The following CDH2 variants were observed in gnomAD, a reference collection of about 807,000 sequenced individuals.
CDH2 encodes cadherin 2.
CDH2 carries 17 observed loss-of-function variants against 92.0 expected under a neutral mutation model. The ratio of observed to expected loss-of-function variants is 0.18; its 90% CI spans 0.13 to 0.28. The LOEUF (loss-of-function observed/expected upper bound fraction) is 0.28, where lower values mean the gene tolerates loss of function less well. Among genes scored for constraint, CDH2 ranks in the 10% least tolerant of loss-of-function variants. CDH2 has a pLI of 1.00. For missense variants in CDH2, 862 were observed against 1,133.1 expected, an observed-to-expected ratio of 0.76 and a Z score of 3.44; for synonymous variants, 419 against 415.9, an observed-to-expected ratio of 1.01 and a Z score of -0.09.
chr18:28,080,433 C>T (rs1438415826), intron 2 of CDH2, among the ~76,000 whole-genome samples: 1 of 152,166 alleles, frequency 6.6e-6, no homozygotes, highest in East Asian at 1.9e-4. Flanking sequence ...CATAAAGCTG[C>T]CTCGCCTTCT....
chr18:28,131,923 T>G (rs1246750139), intron 2 of CDH2, among the ~76,000 whole-genome samples: 5 of 152,208 alleles, frequency 3.3e-5, no homozygotes, highest in Non-Finnish European at 7.3e-5. Flanking sequence ...CACACTCATT[T>G]AATCTATCAA....
chr18:28,079,835 G>A (rs1223915793), intron 2 of CDH2, among the ~76,000 whole-genome samples: 1 of 152,106 alleles, frequency 6.6e-6, no homozygotes. Flanking sequence ...CTCAGAAAAC[G>A]TGTCATGTGA....
At chr18:27,935,605 A>C (rs1302353828) in intron 6 of CDH2, among the ~76,000 whole-genome samples, 1 of 152,000 alleles carries the variant, frequency 6.6e-6, no homozygotes, top group African/African-American at 2.4e-5. Flanking sequence ...GCTCCAGTAG[A>C]ATTGGGTCCA....
At chr18:28,097,843 TAA>T (rs1282684828) in intron 2 of CDH2, among the ~76,000 whole-genome samples, 1 of 152,180 alleles carries the variant, frequency 6.6e-6, no homozygotes. Flanking sequence ...GAGCTAAAAA[TAA>T]GTTTTATAAT....
chr18:28,098,721 A>T (rs1440279017), intron 2 of CDH2, among the ~76,000 whole-genome samples: 1 of 152,166 alleles, frequency 6.6e-6, no homozygotes, highest in East Asian at 1.9e-4. Flanking sequence ...GATATTAAGT[A>T]GGCTGCAAAC....
At chr18:28,170,021 G>T (rs544245417) in intron 1 of CDH2, among the ~76,000 whole-genome samples, 4 of 152,276 alleles carry the variant, frequency 2.6e-5, no homozygotes, top group African/African-American at 9.6e-5. Flanking sequence ...TATTACCATG[G>T]TTTACCCAAC....
Position 27,993,480 on chromosome 18 carries a change from G to C in CDH2, c.1158+20C>G, listed in dbSNP as rs200415723. 36 of 1,606,402 alleles carry C rather than the reference G, an allele frequency of 2.2e-5. No homozygotes were observed. Among genetic ancestry groups the C allele is most frequent in the Non-Finnish European group, 3.0e-5 (35 of 1,176,454 alleles). ...ACGAACTACAGACCCAAAGTTGTGT[G>C]AGTGACAGGCTGTACTCACCGTCAT... On this transcript the variant is annotated intron_variant, in intron 8 of 15. Transcript: ENST00000269141.
chr18:27,992,815 C>T lies in CDH2; in HGVS notation c.1184G>A (p.Arg395Lys). ...MTFYGEVPEN[R>K]VDIIVANLTV... is the part of the protein sequence containing the mutation. ...TAGATTAGCTACTATGATGTCTACC[C>T]TGTTCTCAGGAACTTCACCATAAAA... Residue 395 changes from arginine to lysine, a missense_variant, in exon 9 of 16, where the codon AGG becomes AAG. Physicochemically the swap from Arg to Lys is conservative, Grantham distance 26. This residue lies in a region of CDH2 where 564 missense variants were observed against 722.2 expected (regional missense o/e 0.78). Transcript: ENST00000269141. 6.2e-7 allele frequency: 1 copy of T among 1,613,688 alleles called. No individual in the cohort carries two copies. The highest frequency in any genetic ancestry group is 2.2e-5 in the East Asian group (1 of 44,852).
At chr18:28,051,578 T>C (rs1465735278) in intron 2 of CDH2, among the ~76,000 whole-genome samples, 1 of 152,184 alleles carries the variant, frequency 6.6e-6, no homozygotes, top group Non-Finnish European at 1.5e-5. Flanking sequence ...ATTAAGATAT[T>C]AAATGTCAAA....
intron 2 of CDH2, among the ~76,000 whole-genome samples, chr18:28,062,902 G>A (rs991855668): frequency 6.6e-6 from 1 of 152,126 alleles, no homozygotes; most frequent in Non-Finnish European, 1.5e-5. Context: ...GCACCTGGGA[G>A]GAGGAGGTTG....
At chr18:27,988,703 A>G (rs766638826) in intron 10 of CDH2, 37 bp from the exon 11 acceptor site, 1 of 1,475,442 alleles carries the variant, frequency 6.8e-7, no homozygotes, top group South Asian at 1.2e-5. Context: ...TCTTTTTATG[A>G]AACTTTAAAA....
intron 2 of CDH2, among the ~76,000 whole-genome samples, chr18:28,132,194 C>T (rs189931358): frequency 7.7e-4 from 117 of 152,330 alleles, no homozygotes; most frequent in African/African-American, 2.7e-3. Context: ...TTGCTGAGAC[C>T]TTCAGTGAAA....
In CDH2 at chr18:27,985,192, C is replaced by A; in HGVS notation, c.2017G>T (p.Ala673Ser). The change falls in exon 13 of 16, where the codon GCT becomes TCT. Residue 673 changes from alanine (A) to serine (S), a missense_variant. By Grantham distance (99) the Ala-to-Ser change is moderately conservative (BLOSUM62 1). Coordinates refer to ENST00000269141, the MANE Select transcript of CDH2 (RefSeq NM_001792.5). ...ATGATGGGAACTTCATAGATACCAG[C>A]TTCAAGAAATTTTATCTTTAAATTA... ...QLNLKIKFLE[A>S]GIYEVPIIIT... 1 of 1,612,926 alleles carries A rather than the reference C, an allele frequency of 6.2e-7. No homozygotes were observed. Among genetic ancestry groups the A allele is most frequent in the Non-Finnish European group, 8.5e-7 (1 of 1,178,978 alleles).
chr18:28,017,559 C>T (rs1056825844), intron 2 of CDH2, among the ~76,000 whole-genome samples: 2 of 152,008 alleles, frequency 1.3e-5, no homozygotes, highest in Non-Finnish European at 2.9e-5. Context: ...TTTCAAATAA[C>T]CAGCTTTTTG....
rs202032913 is a variant in CDH2 at position 28,011,991 on chromosome 18, T to A, written c.401A>T (p.Glu134Val). 53 of 1,612,680 alleles carry A rather than the reference T, an allele frequency of 3.3e-5. No homozygotes were observed. The Middle Eastern group carries it at 9.9e-4, about 30-fold the overall frequency. The change falls in exon 4 of 16, where the codon GAG (glutamate) becomes GTG (valine). Residue 134 changes from glutamate (E) to valine (V), a missense_variant and splice_region_variant. Around this residue, in one of 5 missense-constraint regions of CDH2, gnomAD observed 159 missense variants for 177.2 expected, o/e 0.90. Transcript: ENST00000269141. The part of the protein sequence containing the change: ...KPTLTEESVK[E>V]SAEVEEIVFP... ...CACTATTTCTTCAACTTCTGCTGAC[T>A]CCTTTACATTAAAATAGAAGACATT...
rs17536236 is a variant in CDH2 at position 28,111,286 on chromosome 18, C to T, written c.172+36387G>A. Among the ~76,000 whole-genome samples the T allele has an allele frequency of 6.3e-3, 958 of 152,330 alleles. 10 individuals are homozygous for T. Among genetic ancestry groups the T allele is most frequent in the African/African-American group, 0.021 (871 of 41,574 alleles). On this transcript the variant is annotated intron_variant, in intron 2 of 15. Coordinates refer to ENST00000269141, the MANE Select transcript of CDH2 (RefSeq NM_001792.5). ...CTTGCTGACCTAGACAGAGATATTT[C>T]GAGGCATGGGTGTAGCACGTGCATA...
chr18:28,157,826 ATTTTG>A (rs1043055825), intron 1 of CDH2, among the ~76,000 whole-genome samples: 15 of 150,718 alleles, frequency 1.0e-4, no homozygotes, highest in African/African-American at 3.0e-4. Context: ...TTTTTTAAAC[ATTTTG>A]TTTTAAGTCC....
intron 1 of CDH2, among the ~76,000 whole-genome samples, chr18:28,165,423 G>A (rs1383719842): frequency 6.6e-6 from 1 of 152,064 alleles, no homozygotes; most frequent in Non-Finnish European, 1.5e-5. Context: ...AAGTCCTGGG[G>A]TCAAGCTATC....
At position 28,077,878 on chromosome 18, in the gene CDH2, G is replaced by T. The variant is rs529963968; in HGVS notation, c.173-63969C>A. The stretch of plus-strand genomic sequence containing the variant: ...TGCACTCCAGCCTGGGCAACAGAGT[G>T]AGACCCTGTCTCAAAAAAAAAAAAA... On this transcript the variant is annotated intron_variant, in intron 2 of 15. Coordinates refer to ENST00000269141, the MANE Select transcript of CDH2 (RefSeq NM_001792.5). Among the ~76,000 whole-genome samples the T allele has an allele frequency of 2.6e-3, 279 of 107,592 alleles. 1 individual carries two copies. Among genetic ancestry groups the T allele is most frequent in the Non-Finnish European group, 4.0e-3 (233 of 58,740 alleles). The allele number at this position is 107,592 out of a possible 152,430, so 70.6% of individuals were successfully genotyped here. A position where few individuals can be genotyped will look rare whatever the true frequency, so the allele number is the denominator to read the frequency against.
Sources: gnomAD v4.1 joint callset for allele counts (sites outside exome capture counted in the v4.1 genomes callset) on GRCh38, gnomAD v4.1.1 for gene constraint, gnomAD v4.1.1 regional missense constraint, MANE v1.5 for transcripts, NCBI Gene and HGNC (gene_info 2026-07-23, HGNC 2026-07-21) for gene names.